NTMT2: variants seen among roughly 807,000 people sequenced by gnomAD.
NTMT2 encodes the protein X-Pro-Lys N-terminal protein methyltransferase 1B.
NTMT2 carries 21 observed loss-of-function variants against 23.4 expected under a neutral mutation model. That is an observed-to-expected ratio of 0.90 (90% CI 0.64 to 1.29). The LOEUF (loss-of-function observed/expected upper bound fraction) is 1.29. Ranked by LOEUF, NTMT2 falls within the 50% of genes most tolerant of loss-of-function variation. NTMT2 has a pLI of 0.00. For missense variants in NTMT2, 336 were observed against 352.0 expected (o/e 0.95, Z 0.36); for synonymous variants, 131 against 127.7 (o/e 1.03, Z -0.17).
chr1:170,161,538 T>G (rs1673273066), intron 2 of NTMT2: 1 of 152,192 alleles, frequency 6.6e-6, no homozygotes, highest in African/African-American at 2.4e-5. Context: ...TTCTTCTGCT[T>G]AATGTATAAG....
chr1:170,153,643 T>G (rs770115423), intron 1 of NTMT2, among the ~76,000 whole-genome samples: 1 of 152,218 alleles, frequency 6.6e-6, no homozygotes, highest in Non-Finnish European at 1.5e-5. Context: ...GTGGAATAAA[T>G]TTCTAAACAG....
At chr1:170,148,305 T>A (rs1462763134) in intron 1 of NTMT2, among the ~76,000 whole-genome samples, 1 of 150,450 alleles carries the variant, frequency 6.6e-6, no homozygotes, top group Non-Finnish European at 1.5e-5. Flanking sequence ...CCCGCTACCA[T>A]GCCCGGCTAT....
At chr1:170,159,672 A>G (rs1673233348) in intron 1 of NTMT2, among the ~76,000 whole-genome samples, 1 of 152,072 alleles carries the variant, frequency 6.6e-6, no homozygotes. Flanking sequence ...TGGGAGGGAG[A>G]GAAGACAAAT....
At chr1:170,146,871 A>T (rs1035196360) in intron 1 of NTMT2, among the ~76,000 whole-genome samples, 1 of 152,172 alleles carries the variant, frequency 6.6e-6, no homozygotes, top group Non-Finnish European at 1.5e-5. Context: ...GAATTGGACA[A>T]TAGAGCAATA....
intron 1 of NTMT2, among the ~76,000 whole-genome samples, chr1:170,152,751 G>A (rs1006787056): frequency 6.6e-6 from 1 of 151,974 alleles, no homozygotes; most frequent in African/African-American, 2.4e-5. Flanking sequence ...TAATGAGGAG[G>A]GTAACATTTA....
chr1:170,148,740 A>G (rs1212038382), intron 1 of NTMT2, among the ~76,000 whole-genome samples: 1 of 152,172 alleles, frequency 6.6e-6, no homozygotes, highest in Non-Finnish European at 1.5e-5. Context: ...AACATGCATT[A>G]TTGGAGTTGT....
chr1:170,162,112 A>G (rs1673285434), intron 2 of NTMT2, among the ~76,000 whole-genome samples: 1 of 152,158 alleles, frequency 6.6e-6, no homozygotes, highest in Admixed American at 6.5e-5. Flanking sequence ...ACACAAACAA[A>G]CAAACAAAGC....
chr1:170,164,090 C>A (rs1001905615), intron 2 of NTMT2, among the ~76,000 whole-genome samples: 9 of 146,282 alleles, frequency 6.2e-5, no homozygotes, highest in Non-Finnish European at 1.5e-5. Context: ...CCACTGCACT[C>A]CAGGCTGGGT....
At chr1:170,160,722 A>C (rs780393176) in intron 2 of NTMT2, 29 bp downstream of exon 2, 257 of 1,495,560 alleles carry the variant, frequency 1.7e-4, no homozygotes, top group Non-Finnish European at 2.2e-4. Context: ...GCTTGATGAG[A>C]AGGCAAAGTC....
intron 1 of NTMT2, among the ~76,000 whole-genome samples, chr1:170,151,091 C>G (rs546680058): frequency 7.2e-5 from 11 of 152,112 alleles, no homozygotes; most frequent in Non-Finnish European, 8.8e-5. Flanking sequence ...AACAATGGTT[C>G]TGTGTGGTTT....
chr1:170,153,491 C>T (rs897969719), intron 1 of NTMT2, among the ~76,000 whole-genome samples: 2 of 152,184 alleles, frequency 1.3e-5, no homozygotes, highest in African/African-American at 4.8e-5. Flanking sequence ...ATGCTGAGAT[C>T]TCAGATGGAA....
chr1:170,159,431 T>G (rs935123856), intron 1 of NTMT2, among the ~76,000 whole-genome samples: 10 of 149,882 alleles, frequency 6.7e-5, no homozygotes, highest in Non-Finnish European at 1.3e-4. Context: ...GTTTTTTTTT[T>G]TTTTTTTTTT....
chr1:170,159,747 A>C (rs1358297440), intron 1 of NTMT2, among the ~76,000 whole-genome samples: 1 of 152,204 alleles, frequency 6.6e-6, no homozygotes, highest in African/African-American at 2.4e-5. Flanking sequence ...CTATCATTTT[A>C]TCATGAATGT....
Position 170,160,635 on chromosome 1 carries a change from T to C in NTMT2, c.272T>C (p.Ile91Thr), listed in dbSNP as rs777625873. 35 of 1,551,270 alleles carry C rather than the reference T, an allele frequency of 2.3e-5. No individual in the cohort carries two copies. Among genetic ancestry groups the C allele is most frequent in the Admixed American group, 2.0e-4 (10 of 50,866 alleles). The stretch of plus-strand genomic sequence containing the variant: ...GAAGAGGGTATGATGGGAAATTTCA[T>C]TGAACTGTCCAGCCCAGACATCCAG... Reference protein sequence around the residue: ...ATEEGMMGNFIELSSPDIQAS... With the variant: ...ATEEGMMGNFTELSSPDIQAS... The change falls in exon 2 of 4, where the codon ATT (isoleucine) becomes ACT (threonine). Residue 91 changes from isoleucine (I) to threonine (T), a missense_variant. By Grantham distance (89) the Ile-to-Thr change is moderately conservative (BLOSUM62 -1). Transcript: ENST00000439373.
intron 1 of NTMT2, among the ~76,000 whole-genome samples, chr1:170,149,448 A>G (rs2102229609): frequency 6.6e-6 from 1 of 152,310 alleles, no homozygotes; most frequent in East Asian, 1.9e-4. Flanking sequence ...ATGGAATGCA[A>G]TTGCGTGTAT....
At chr1:170,147,878 A>G (rs1219514250) in intron 1 of NTMT2, among the ~76,000 whole-genome samples, 1 of 152,236 alleles carries the variant, frequency 6.6e-6, no homozygotes, top group Non-Finnish European at 1.5e-5. Flanking sequence ...ACTATAATTT[A>G]TATTTAGTCT....
chr1:170,167,761 A>C lies in NTMT2; in HGVS notation c.*4A>C. ...GCACAGCGACAGACACTCCTGAAAA[A>C]GCAGTGGGAATGAACGACTGGACTG... On this transcript the variant is annotated 3_prime_UTR_variant, in exon 4 of 4. Transcript: ENST00000439373. 6.5e-7 allele frequency: 1 copy of C among 1,545,910 alleles called. No homozygotes were observed. The highest frequency in any genetic ancestry group is 1.4e-5 in the African/African-American group (1 of 73,066).
chr1:170,162,433 G>A (rs568384831), intron 2 of NTMT2, among the ~76,000 whole-genome samples: 55 of 152,316 alleles, frequency 3.6e-4, no homozygotes, highest in Non-Finnish European at 7.2e-4. Context: ...AATGTGATCA[G>A]GATGATGTAT....
In NTMT2 at chr1:170,146,025, C is replaced by A; in HGVS notation, c.-83C>A. ...TGGTTTAAAATGACAGTCTCAAGTT[C>A]ATTTAGAAAGAGAAGGCTAATTCAA... On this transcript the variant is annotated 5_prime_UTR_variant, in exon 1 of 4. It introduces an in-frame stop codon into an upstream open reading frame of the 5' UTR. Transcript: ENST00000439373. 1.5e-6 allele frequency: 2 copies of A among 1,308,238 alleles called. No homozygotes were observed. Among genetic ancestry groups the A allele is most frequent in the Non-Finnish European group, 1.0e-6 (1 of 958,272 alleles). 81.0% of individuals were successfully genotyped at this position (1,308,238 alleles called of 1,614,324 possible). A position where few individuals can be genotyped will look rare whatever the true frequency, so the allele number is the denominator to read the frequency against.
Sources: gnomAD v4.1 joint callset for allele counts (sites outside exome capture counted in the v4.1 genomes callset) on GRCh38, gnomAD v4.1.1 for gene constraint, MANE v1.5 for transcripts, NCBI Gene and HGNC (gene_info 2026-07-23, HGNC 2026-07-21) for gene names.